TNPO1: variants seen among roughly 807,000 people sequenced by gnomAD.
The protein encoded by TNPO1 is transportin 1, also known as transportin-1.
In TNPO1, 8 loss-of-function variants were observed where a neutral mutation model predicts 119.5. The ratio of observed to expected loss-of-function variants is 0.07; its 90% CI spans 0.04 to 0.12. The LOEUF (loss-of-function observed/expected upper bound fraction) is 0.12. TNPO1 is among the 10% of genes least tolerant of loss of function. The pLI is 1.00. For synonymous variants in TNPO1, 362 were observed against 363.0 expected, an observed-to-expected ratio of 1.00 and a Z score of 0.03; for missense variants, 576 against 1,089.8, an observed-to-expected ratio of 0.53 and a Z score of 6.64.
intron 1 of TNPO1, chr5:72,848,109 C>T: frequency 2.6e-6 from 3 of 1,135,646 alleles, no homozygotes; most frequent in Non-Finnish European, 3.2e-6. Context: ...GGCCAGATTG[C>T]AAATTCGCGG....
intron 22 of TNPO1, among the ~76,000 whole-genome samples, chr5:72,901,914 T>G (rs186001851): frequency 1.1e-3 from 167 of 152,064 alleles, no homozygotes; most frequent in Admixed American, 9.7e-3. Flanking sequence ...CCATCTCTAC[T>G]TCAGATAAAA....
chr5:72,896,657 G>A, intron 19 of TNPO1, 101 bp downstream of exon 19: 2 of 837,162 alleles, frequency 2.4e-6, no homozygotes, highest in South Asian at 3.5e-5. Flanking sequence ...ATCACCTGAG[G>A]TCAGGAGTTT....
chr5:72,839,345 A>C (rs1384962315), intron 1 of TNPO1, among the ~76,000 whole-genome samples: 6 of 152,192 alleles, frequency 3.9e-5, no homozygotes. Context: ...TTTGATATAC[A>C]AATGTAAATC....
intron 14 of TNPO1, among the ~76,000 whole-genome samples, chr5:72,891,152 A>G (rs1749020511): frequency 6.6e-6 from 1 of 151,944 alleles, no homozygotes; most frequent in African/African-American, 2.4e-5. Context: ...CCCAGAACTA[A>G]AAATATTCTG....
chr5:72,824,050 T>A (rs1305693893), intron 1 of TNPO1, among the ~76,000 whole-genome samples: 1 of 152,216 alleles, frequency 6.6e-6, no homozygotes, highest in Non-Finnish European at 1.5e-5. Context: ...TCTGGCACTC[T>A]ATTTATGAAA....
chr5:72,865,828 A>G lies in TNPO1; in HGVS notation c.596+99A>G, dbSNP rs181273192. ...TATTTTTGACATTAGCAAAAGATCAAAAGATATTGGATGTTCCAGAGAGGT... is the reference window on the plus strand; with the variant it reads ...TATTTTTGACATTAGCAAAAGATCAGAAGATATTGGATGTTCCAGAGAGGT... On this transcript the variant is annotated intron_variant, in intron 6 of 24. Coordinates refer to ENST00000337273, the MANE Select transcript of TNPO1 (RefSeq NM_002270.4). The G allele has an allele frequency of 4.7e-4, 599 of 1,263,736 alleles. 6 individuals are homozygous for G. The East Asian group carries it at 0.013, about 28-fold the overall frequency. The allele number at this position is 1,263,736 out of a possible 1,614,324, so 78.3% of individuals were successfully genotyped here. A position where few individuals can be genotyped will look rare whatever the true frequency, so the allele number is the denominator to read the frequency against.
chr5:72,903,311 G>A lies in TNPO1; in HGVS notation c.2515-398G>A, dbSNP rs186224294. 2.8e-3 allele frequency among the ~76,000 whole-genome samples: 431 copies of A among 152,100 alleles called. 8 individuals are homozygous for A. The highest frequency in any genetic ancestry group is 0.023 in the Admixed American group (347 of 15,266). On this transcript the variant is annotated intron_variant, in intron 22 of 24. Transcript: ENST00000337273. ...AGGTCATTTAATATATATTTAGCTAGCTTTAATTTCTTTCTAGGCCAGTCA... is the reference window on the plus strand; with the variant it reads ...AGGTCATTTAATATATATTTAGCTAACTTTAATTTCTTTCTAGGCCAGTCA...
chr5:72,860,655 A>G (rs1425707678), intron 4 of TNPO1, among the ~76,000 whole-genome samples: 13 of 152,214 alleles, frequency 8.5e-5, no homozygotes, highest in Admixed American at 8.5e-4. Flanking sequence ...CTGTTGTAGG[A>G]GTATGTAGCC....
intron 4 of TNPO1, among the ~76,000 whole-genome samples, chr5:72,858,829 T>TCCCCCC (rs1227470604): frequency 6.6e-6 from 1 of 150,930 alleles, no homozygotes. Context: ...AGAGTGAGAC[T>TCCCCCC]CCGTCTCAAA....
intron 9 of TNPO1, chr5:72,878,545 T>C (rs1319589622): frequency 1.3e-5 from 2 of 154,242 alleles, no homozygotes; most frequent in East Asian, 1.9e-4. Context: ...TATTTTCATA[T>C]GGTCAACTGA....
At chr5:72,907,277 G>C (rs1299027953) in intron 24 of TNPO1, among the ~76,000 whole-genome samples, 1 of 152,170 alleles carries the variant, frequency 6.6e-6, no homozygotes, top group East Asian at 1.9e-4. Context: ...CTACTAACAA[G>C]TCTTGAGCAC....
intron 6 of TNPO1, among the ~76,000 whole-genome samples, chr5:72,870,248 C>T (rs911949608): frequency 6.6e-6 from 1 of 150,966 alleles, no homozygotes; most frequent in Non-Finnish European, 1.5e-5. Context: ...GCAACCTCCA[C>T]CTCCCAGGTT....
chr5:72,900,451 A>G (rs1268409241), intron 21 of TNPO1, among the ~76,000 whole-genome samples: 1 of 152,204 alleles, frequency 6.6e-6, no homozygotes, highest in African/African-American at 2.4e-5. Flanking sequence ...GGAAACTTGG[A>G]TTGCATTAAG....
intron 8 of TNPO1, among the ~76,000 whole-genome samples, chr5:72,876,206 T>C (rs758772717): frequency 1.3e-5 from 2 of 152,222 alleles, no homozygotes; most frequent in African/African-American, 2.4e-5. Context: ...TAATTTATAA[T>C]GTTACAGTTC....
intron 9 of TNPO1, among the ~76,000 whole-genome samples, chr5:72,879,967 C>T (rs564879544): frequency 1.4e-4 from 21 of 152,300 alleles, no homozygotes; most frequent in South Asian, 6.2e-4. Flanking sequence ...GCAGGCAGAT[C>T]GCTTGAGCTC....
intron 21 of TNPO1, among the ~76,000 whole-genome samples, chr5:72,900,722 T>C (rs1430484816): frequency 6.6e-6 from 1 of 152,180 alleles, no homozygotes; most frequent in Non-Finnish European, 1.5e-5. Context: ...AAATGGGAGA[T>C]TCAAATTAGT....
chr5:72,818,425 C>G (rs1743797668), intron 1 of TNPO1, among the ~76,000 whole-genome samples: 1 of 152,152 alleles, frequency 6.6e-6, no homozygotes, highest in Non-Finnish European at 1.5e-5. Context: ...TAAAGCCATT[C>G]CATGAACTCA....
intron 1 of TNPO1, among the ~76,000 whole-genome samples, chr5:72,841,608 GGATTA>G (rs1744919651): frequency 6.6e-6 from 1 of 151,594 alleles, no homozygotes; most frequent in African/African-American, 2.4e-5. Flanking sequence ...CAAAGTGCTG[GGATTA>G]CAGGAATGAG....
intron 11 of TNPO1, among the ~76,000 whole-genome samples, chr5:72,883,700 T>TA (rs1213188329): frequency 2.6e-5 from 4 of 152,230 alleles, no homozygotes; most frequent in African/African-American, 9.6e-5. Flanking sequence ...ATGCTATAAA[T>TA]ACTCATGTAT....
Sources: allele counts gnomAD v4.1 joint callset (sites outside exome capture counted in the v4.1 genomes callset), GRCh38; gene constraint gnomAD v4.1.1; transcripts MANE v1.5; gene names NCBI Gene and HGNC (gene_info 2026-07-23, HGNC 2026-07-21).